Variants in ZNF83 observed in about 807,000 individuals in gnomAD.
ZNF83 encodes zinc finger protein 83.
For missense variants in ZNF83, 552 were observed against 629.9 expected, an observed-to-expected ratio of 0.88 and a Z score of 1.32; for synonymous variants, 209 against 213.0, an observed-to-expected ratio of 0.98 and a Z score of 0.17.
At chr19:52,646,312 A>C (rs1423230152) in intron 3 of ZNF83, among the ~76,000 whole-genome samples, 1 of 152,120 alleles carries the variant, frequency 6.6e-6, no homozygotes, top group Non-Finnish European at 1.5e-5. Flanking sequence ...TGAGGGTCCA[A>C]GGCAGGAAGA....
At chr19:52,637,754 T>C (rs2061198551) in intron 1 of ZNF83, among the ~76,000 whole-genome samples, 2 of 152,118 alleles carry the variant, frequency 1.3e-5, no homozygotes, top group African/African-American at 2.4e-5. Flanking sequence ...GAACACCCCG[T>C]GTCACAGGAC....
intron 2 of ZNF83, among the ~76,000 whole-genome samples, chr19:52,656,223 T>TCC (rs1247836620): frequency 7.9e-5 from 10 of 127,360 alleles, no homozygotes; most frequent in Non-Finnish European, 1.8e-5. Flanking sequence ...TCTCTCTCTC[T>TCC]CTCTATATAT....
intron 1 of ZNF83, among the ~76,000 whole-genome samples, chr19:52,680,668 A>T (rs527559372): frequency 8.2e-6 from 1 of 122,602 alleles, no homozygotes; most frequent in South Asian, 2.6e-4. Flanking sequence ...GCTGGAGTGC[A>T]GTGGCGCGAT....
exon 3 of ZNF83, chr19:52,655,656 T>G (rs2061495089): frequency 2.2e-6 from 3 of 1,335,746 alleles, no homozygotes; most frequent in African/African-American, 2.9e-5. Context: ...CAAAGAGAAT[T>G]CTATAGCCAC....
chr19:52,675,882 G>C (rs2061794295), intron 1 of ZNF83, among the ~76,000 whole-genome samples: 1 of 152,130 alleles, frequency 6.6e-6, no homozygotes, highest in Admixed American at 6.6e-5. Context: ...TTACAATATG[G>C]GCAAAGGACA....
intron 1 of ZNF83, among the ~76,000 whole-genome samples, chr19:52,686,904 G>A (rs939908356): frequency 6.6e-6 from 1 of 151,960 alleles, no homozygotes; most frequent in African/African-American, 2.4e-5. Context: ...ACTATGGGCT[G>A]GGTGCAGTGG....
rs201377571 is a variant in ZNF83, at chr19:52,663,170, G to GA, written c.-282-2328dup. ...AGAGTGACACTCCATCTCAAAAAAGGAAAAAAAAAATTCCAGGACCATCTG... is the reference window on the plus strand; with the variant it reads ...AGAGTGACACTCCATCTCAAAAAAGGAAAAAAAAAAATTCCAGGACCATCTG... On this transcript the variant is annotated intron_variant, in intron 1 of 5. Coordinates refer to the ZNF83 transcript ENST00000594682. Among the ~76,000 whole-genome samples the GA allele has an allele frequency of 2.4e-3, 350 of 148,474 alleles. 2 individuals carry two copies. Among genetic ancestry groups the GA allele is most frequent in the African/African-American group, 7.8e-3 (317 of 40,598 alleles).
intron 1 of ZNF83, among the ~76,000 whole-genome samples, chr19:52,687,981 C>T (rs1044202543): frequency 3.3e-5 from 5 of 151,944 alleles, no homozygotes; most frequent in Admixed American, 6.6e-5. Context: ...GGGATTCCAA[C>T]TGGAAGCTAA....
intron 2 of ZNF83, among the ~76,000 whole-genome samples, chr19:52,633,782 T>C (rs1178850451): frequency 6.6e-6 from 1 of 151,806 alleles, no homozygotes; most frequent in Non-Finnish European, 1.5e-5. Flanking sequence ...TGGTGACGCA[T>C]GCCTGGAGTA....
chr19:52,664,202 T>TAA (rs946809308), intron 1 of ZNF83, among the ~76,000 whole-genome samples: 103 of 142,392 alleles, frequency 7.2e-4, no homozygotes, highest in African/African-American at 2.4e-3. Flanking sequence ...TTTTTTTTTT[T>TAA]AATTAAGAAC....
chr19:52,648,528 T>C (rs2061403321), intron 3 of ZNF83, among the ~76,000 whole-genome samples: 1 of 152,214 alleles, frequency 6.6e-6, no homozygotes, highest in Non-Finnish European at 1.5e-5. Context: ...AGCATGACTA[T>C]GTTTTACAAA....
At chr19:52,683,236 G>T (rs1015861547) in intron 1 of ZNF83, among the ~76,000 whole-genome samples, 5 of 19,650 alleles carry the variant, frequency 2.5e-4, no homozygotes, top group South Asian at 1.3e-3. Context: ...CTCTGTGTGT[G>T]TGTGTGTGTG....
chr19:52,677,763 A>G (rs968521362), intron 1 of ZNF83, among the ~76,000 whole-genome samples: 3 of 152,098 alleles, frequency 2.0e-5, no homozygotes, highest in African/African-American at 4.8e-5. Flanking sequence ...GCCAGAGGGG[A>G]TGGCTCATGC....
chr19:52,647,105 T>C (rs541006440), intron 3 of ZNF83, among the ~76,000 whole-genome samples: 64 of 152,174 alleles, frequency 4.2e-4, no homozygotes, highest in African/African-American at 1.5e-3. Context: ...CATTATGTAA[T>C]AACAGAAAGT....
chr19:52,687,633 G>GTGTATATATATATATATATATATAATGTA lies in ZNF83; in HGVS notation c.-283+2809_-283+2810insTACATTATATATATATATATATATATACA, dbSNP rs1555792757. Among the ~76,000 whole-genome samples, 10 of 27,834 alleles carry GTGTATATATATATATATATATATAATGTA rather than the reference G, an allele frequency of 3.6e-4. 3 individuals are homozygous for GTGTATATATATATATATATATATAATGTA. Among genetic ancestry groups the GTGTATATATATATATATATATATAATGTA allele is most frequent in the African/African-American group, 3.1e-3 (10 of 3,238 alleles). The allele number at this position is 27,834 out of a possible 152,430, so 18.3% of individuals were successfully genotyped here. A position where few individuals can be genotyped will look rare whatever the true frequency, so the allele number is the denominator to read the frequency against. ...TATAATGTGTATATATATATATAAT[G>GTGTATATATATATATATATATATAATGTA]TATATATATATATATATATATATAA... is the stretch of plus-strand genomic sequence containing the variant. On this transcript the variant is annotated intron_variant, in intron 1 of 5. Coordinates refer to the ZNF83 transcript ENST00000594682.
At chr19:52,638,663 T>G (rs556276692), upstream of ZNF83, among the ~76,000 whole-genome samples, 1 of 152,316 alleles carries the variant, frequency 6.6e-6, no homozygotes, top group South Asian at 2.1e-4. Context: ...GAAGGTACAA[T>G]TTCATGCTGA....
At chr19:52,689,964 G>A (rs928082941) in intron 1 of ZNF83, among the ~76,000 whole-genome samples, 3 of 149,250 alleles carry the variant, frequency 2.0e-5, no homozygotes, top group Non-Finnish European at 3.0e-5. Flanking sequence ...GGCCCGGCAC[G>A]AGGAGGGAGG....
chr19:52,634,394 C>A (rs114680594), intron 2 of ZNF83, among the ~76,000 whole-genome samples: 1 of 152,142 alleles, frequency 6.6e-6, no homozygotes, highest in Non-Finnish European at 1.5e-5. Flanking sequence ...ACCAAAAACA[C>A]CTGTTTCAGA....
intron 2 of ZNF83, chr19:52,618,581 G>A (rs2060406509): frequency 4.2e-6 from 1 of 239,964 alleles, no homozygotes; most frequent in Non-Finnish European, 8.0e-6. Context: ...ATTTTTAGTA[G>A]AGATGACGTT....
Sources: allele counts gnomAD v4.1 joint callset (sites outside exome capture counted in the v4.1 genomes callset), GRCh38; gene constraint gnomAD v4.1.1; transcripts MANE v1.5; gene names NCBI Gene and HGNC (gene_info 2026-07-23, HGNC 2026-07-21).